Variants in SREBF2 observed in about 807,000 individuals in gnomAD.
The protein encoded by SREBF2 is sterol regulatory element-binding protein 2.
A neutral mutation model predicts 113.1 loss-of-function variants in SREBF2; 55 were observed. The ratio of observed to expected loss-of-function variants is 0.49; its 90% CI spans 0.39 to 0.61. SREBF2 has a LOEUF of 0.61. Ranked by LOEUF, SREBF2 falls within the 20% of genes least tolerant of loss-of-function variation. The pLI, the probability that SREBF2 is intolerant of heterozygous loss-of-function variation, is 0.00. For synonymous variants in SREBF2, 593 were observed against 605.7 expected (o/e 0.98, Z 0.31); for missense variants, 1,349 against 1,487.4 (o/e 0.91, Z 1.53).
intron 9 of SREBF2, among the ~76,000 whole-genome samples, chr22:41,880,241 TCAC>T (rs2077232212): frequency 6.6e-6 from 1 of 152,084 alleles, no homozygotes; most frequent in Non-Finnish European, 1.5e-5. Context: ...TAAATCTGTG[TCAC>T]CACCTTATGT....
rs544824099 is a variant in SREBF2 at position 41,852,728 on chromosome 22, A to ATTTTTT, written c.89-14077_89-14072dup. On this transcript the variant is annotated intron_variant, in intron 1 of 18. Coordinates refer to ENST00000361204, the MANE Select transcript of SREBF2 (RefSeq NM_004599.4). ...CAGCCATTCTCATACTCTCAGAATG[A>ATTTTTT]TTTTTTTTTTTTTTTTTTTTTTTTT... Among the ~76,000 whole-genome samples, 10 of 40,400 alleles carry ATTTTTT rather than the reference A, an allele frequency of 2.5e-4. 1 individual carries two copies. Among genetic ancestry groups the ATTTTTT allele is most frequent in the African/African-American group, 3.3e-4 (4 of 12,080 alleles). 26.5% of individuals were successfully genotyped at this position (40,400 alleles called of 152,430 possible).
chr22:41,844,033 TACACACAC>T lies in SREBF2; in HGVS notation c.88+10700_88+10707del, dbSNP rs71311415. Among the ~76,000 whole-genome samples, 267 of 123,142 alleles carry T rather than the reference TACACACAC, an allele frequency of 2.2e-3. 2 individuals are homozygous for T. Among genetic ancestry groups the T allele is most frequent in the African/African-American group, 9.5e-3 (248 of 26,102 alleles). 80.8% of individuals were successfully genotyped at this position (123,142 alleles called of 152,430 possible). Reference sequence around the variant, plus strand: ...CCTGTCTCAAAAAAAAAAAAATACATACACACACACACACACACACACACACACACACG... The same window carrying T: ...CCTGTCTCAAAAAAAAAAAAATACATACACACACACACACACACACACACG... On this transcript the variant is annotated intron_variant, in intron 1 of 18. Transcript: ENST00000361204.
intron 1 of SREBF2, among the ~76,000 whole-genome samples, chr22:41,862,419 G>T (rs2077035522): frequency 6.6e-6 from 1 of 152,204 alleles, no homozygotes; most frequent in African/African-American, 2.4e-5. Context: ...ACAGGAGCAG[G>T]GGAGTGAGAT....
chr22:41,890,018 T>G (rs1274041965), intron 11 of SREBF2, among the ~76,000 whole-genome samples: 1 of 152,018 alleles, frequency 6.6e-6, no homozygotes, highest in Admixed American at 6.6e-5. Flanking sequence ...AGAGAATATT[T>G]TGGATTCTTA....
chr22:41,836,696 T>C (rs1199039476), intron 1 of SREBF2, among the ~76,000 whole-genome samples: 2 of 152,200 alleles, frequency 1.3e-5, no homozygotes, highest in Non-Finnish European at 2.9e-5. Context: ...CTGGGCAGGA[T>C]ACTAATTGTC....
intron 4 of SREBF2, among the ~76,000 whole-genome samples, chr22:41,871,326 G>C (rs1018967389): frequency 6.6e-6 from 1 of 152,166 alleles, no homozygotes; most frequent in East Asian, 1.9e-4. Flanking sequence ...CTTAGATCCT[G>C]CTGATGACTT....
intron 10 of SREBF2, among the ~76,000 whole-genome samples, chr22:41,881,445 G>A (rs1269276156): frequency 2.0e-5 from 3 of 152,220 alleles, no homozygotes; most frequent in African/African-American, 7.2e-5. Flanking sequence ...ACATGTTTTC[G>A]TTGGGAGGGA....
chr22:41,903,149 C>T lies in SREBF2; in HGVS notation c.3087C>T (p.Tyr1029=), dbSNP rs2077479376. ...TGGCACACAGCTTCCGCCCAGCATACCGCAAGGTGAGGCCCAGCTGGCTGG... is the reference window on the plus strand; with the variant it reads ...TGGCACACAGCTTCCGCCCAGCATATCGCAAGGTGAGGCCCAGCTGGCTGG... The part of the protein sequence containing the change: ...RRLAHSFRPA[Y]RKVFLHEATV... Residue 1029 remains tyrosine, a synonymous_variant, in exon 17 of 19, where the codon TAC becomes TAT. Coordinates refer to ENST00000361204, the MANE Select transcript of SREBF2 (RefSeq NM_004599.4). The T allele has an allele frequency of 1.9e-6, 3 of 1,551,840 alleles. No homozygotes were observed. The highest frequency in any genetic ancestry group is 1.4e-5 in the African/African-American group (1 of 73,120).
At chr22:41,860,871 C>A (rs1031730118) in intron 1 of SREBF2, among the ~76,000 whole-genome samples, 2 of 151,516 alleles carry the variant, frequency 1.3e-5, no homozygotes, top group Admixed American at 6.6e-5. Flanking sequence ...GAGAGCAAGA[C>A]CCTGTCTCAA....
chr22:41,903,433 G>A (rs1275070238), intron 17 of SREBF2, among the ~76,000 whole-genome samples: 1 of 152,248 alleles, frequency 6.6e-6, no homozygotes, highest in Non-Finnish European at 1.5e-5. Context: ...CCAGCAGGGA[G>A]CTGTGCCTCC....
At position 41,889,714 on chromosome 22, in the gene SREBF2, AAAG is replaced by A. The variant is rs1438881072; in HGVS notation, c.2209-3401_2209-3399del. Among the ~76,000 whole-genome samples the A allele has an allele frequency of 6.8e-3, 1,007 of 148,044 alleles. 10 individuals are homozygous for A. The highest frequency in any genetic ancestry group is 0.024 in the African/African-American group (953 of 39,058). On this transcript the variant is annotated intron_variant, in intron 11 of 18. Transcript: ENST00000361204. ...CCATGTCTCTATTAAAAAAAAAAAA[AAAG>A]AGGTTGGGCACGGTGGCTCATACCT...
intron 1 of SREBF2, among the ~76,000 whole-genome samples, chr22:41,857,066 C>CAAAA (rs533566059): frequency 2.8e-5 from 3 of 106,768 alleles, no homozygotes; most frequent in Non-Finnish European, 2.0e-5. Flanking sequence ...GACTCTGTCT[C>CAAAA]AAAAAAAAAA....
At position 41,859,770 on chromosome 22, in the gene SREBF2, C is replaced by T. The variant is rs144293050; in HGVS notation, c.89-7061C>T. Among the ~76,000 whole-genome samples the T allele has an allele frequency of 8.6e-3, 1,296 of 150,638 alleles. 13 individuals carry two copies. The highest frequency in any genetic ancestry group is 0.011 in the Non-Finnish European group (735 of 67,860). The stretch of plus-strand genomic sequence containing the variant: ...GCAGCTGAAAGAGGTAAAACTTGCC[C>T]CAGGTTCCAAGGCTAGGATATGGTG... On this transcript the variant is annotated intron_variant, in intron 1 of 18. Transcript: ENST00000361204.
intron 10 of SREBF2, 104 bp from the exon 11 acceptor site, chr22:41,884,738 C>A: frequency 7.9e-7 from 1 of 1,273,410 alleles, no homozygotes; most frequent in Non-Finnish European, 1.1e-6. Flanking sequence ...GTTCACCTCG[C>A]TTCTCCCCTG....
At chr22:41,899,032 C>G in intron 15 of SREBF2, 1 of 614,130 alleles carries the variant, frequency 1.6e-6, no homozygotes, top group Non-Finnish European at 2.7e-6. Flanking sequence ...GTGTCCGGGT[C>G]CTCCTCCCTG....
Position 41,904,846 on chromosome 22 carries a change from C to T in SREBF2, c.3094-17C>T. 6.4e-7 allele frequency: 1 copy of T among 1,567,278 alleles called. No individual in the cohort carries two copies. The highest frequency in any genetic ancestry group is 8.6e-7 in the Non-Finnish European group (1 of 1,156,396). ...GGGACCAGGGGTGTGATGGATGTCA[C>T]CCCGGCACCTCCCCAGGTGTTCCTG... On this transcript the variant is annotated splice_polypyrimidine_tract_variant and intron_variant, in intron 17 of 18. Coordinates refer to ENST00000361204, the MANE Select transcript of SREBF2 (RefSeq NM_004599.4).
intron 14 of SREBF2, 107 bp from the exon 15 acceptor site, chr22:41,898,542 A>C (rs1173956522): frequency 3.2e-5 from 47 of 1,487,486 alleles, no homozygotes; most frequent in South Asian, 2.5e-4. Context: ...CGTTCCCAGC[A>C]GGCAAAGATG....
chr22:41,881,106 T>A, intron 10 of SREBF2, 114 bp downstream of exon 10: 1 of 1,384,992 alleles, frequency 7.2e-7, no homozygotes, highest in Non-Finnish European at 9.8e-7. Context: ...AACGCTACTC[T>A]TTTAGAGTGG....
rs539903164 is a variant in SREBF2, at chr22:41,907,275, A to G, written c.*1615A>G. Reference sequence around the variant, plus strand: ...ATCAATCAGTCACTGTGTCCCAGACATATTCAATAAACACAGATTGGTACC... The same window carrying G: ...ATCAATCAGTCACTGTGTCCCAGACGTATTCAATAAACACAGATTGGTACC... On this transcript the variant is annotated 3_prime_UTR_variant, in exon 19 of 19. Transcript: ENST00000361204. 3 of 152,348 alleles carry G rather than the reference A, an allele frequency of 2.0e-5. No individual in the cohort carries two copies. Among genetic ancestry groups the G allele is most frequent in the South Asian group, 2.1e-4 (1 of 4,828 alleles). The allele number at this position is 152,348 out of a possible 1,614,324, so 9.4% of individuals were successfully genotyped here. A position where few individuals can be genotyped will look rare whatever the true frequency, so the allele number is the denominator to read the frequency against.
Sources: gnomAD v4.1 joint callset for allele counts (sites outside exome capture counted in the v4.1 genomes callset) on GRCh38, gnomAD v4.1.1 for gene constraint, MANE v1.5 for transcripts, NCBI Gene and HGNC (gene_info 2026-07-23, HGNC 2026-07-21) for gene names.